Variants in LBH observed in about 807,000 individuals in gnomAD.
The protein encoded by LBH is LBH regulator of Wnt signaling pathway.
LBH carries 7 observed loss-of-function variants against 12.5 expected under a neutral mutation model. That is an observed-to-expected ratio of 0.56 (90% CI 0.32 to 1.05). LBH has a LOEUF of 1.05. LBH is among the 50% of genes least tolerant of loss of function. The probability of loss-of-function intolerance (pLI) is 0.04; values close to 1 mark genes in which losing one functional copy is unlikely to be tolerated. For missense variants in LBH, 119 were observed against 138.9 expected, an observed-to-expected ratio of 0.86 and a Z score of 0.72; for synonymous variants, 51 against 50.1, an observed-to-expected ratio of 1.02 and a Z score of -0.08.
intron 2 of LBH, chr2:30,256,669 A>G (rs948632734): frequency 1.3e-5 from 2 of 151,920 alleles, no homozygotes; most frequent in African/African-American, 4.8e-5. Flanking sequence ...GGCGCCCACC[A>G]CCATGCCCGC....
intron 1 of LBH, among the ~76,000 whole-genome samples, chr2:30,233,463 C>T (rs1487617153): frequency 6.6e-6 from 1 of 152,208 alleles, no homozygotes; most frequent in African/African-American, 2.4e-5. Context: ...GATACTGTCC[C>T]TCAAAAGACT....
Position 30,257,452 on chromosome 2 carries a change from A to T in LBH, c.149A>T (p.Asp50Val). 8 of 1,614,106 alleles carry T rather than the reference A, an allele frequency of 5.0e-6. No homozygotes were observed. Among genetic ancestry groups the T allele is most frequent in the Non-Finnish European group, 6.8e-6 (8 of 1,179,960 alleles). ...LSYQIFPDPS[D>V]FDRCCKLKDR... ...TTTCAGATCTTCCCAGACCCGTCAGATTTTGACCGCTGCTGCAAACTGAAG... is the reference window on the plus strand; with the variant it reads ...TTTCAGATCTTCCCAGACCCGTCAGTTTTTGACCGCTGCTGCAAACTGAAG... Residue 50 changes from aspartate (D) to valine (V), a missense_variant, in exon 3 of 3, where the codon GAT (aspartate) becomes GTT (valine). Coordinates refer to ENST00000395323, the MANE Select transcript of LBH (RefSeq NM_030915.4).
In LBH at chr2:30,258,208, T is replaced by A. The variant is rs1267080966; in HGVS notation, c.*587T>A. On this transcript the variant is annotated 3_prime_UTR_variant, in exon 3 of 3. Coordinates refer to ENST00000395323, the MANE Select transcript of LBH (RefSeq NM_030915.4). ...TGCTTTCATTTCAGGTGTGTTGGTC[T>A]ATATGACAGGGAGGAGAGTAAAGGA... 5 of 153,126 alleles carry A rather than the reference T, an allele frequency of 3.3e-5. No individual in the cohort carries two copies. The highest frequency in any genetic ancestry group is 4.8e-5 in the African/African-American group (2 of 41,430). The allele number at this position is 153,126 out of a possible 1,614,324, so 9.5% of individuals were successfully genotyped here. A position where few individuals can be genotyped will look rare whatever the true frequency, so the allele number is the denominator to read the frequency against.
rs1239102059 is a variant in LBH at position 30,234,401 on chromosome 2, G to C, written c.27-4G>C. On this transcript the variant is annotated splice_polypyrimidine_tract_variant and splice_region_variant and intron_variant, in intron 1 of 2. Transcript: ENST00000395323. ...GTTGACTTTTGGTCTGGGTTTCTTG[G>C]CAGCCCCGACTATCTGAGATCGGCC... The C allele has an allele frequency of 1.9e-6, 3 of 1,613,368 alleles. No individual in the cohort carries two copies. The highest frequency in any genetic ancestry group is 3.3e-5 in the Admixed American group (2 of 60,016).
intron 2 of LBH, among the ~76,000 whole-genome samples, chr2:30,240,596 C>T (rs1165619057): frequency 6.6e-6 from 1 of 152,230 alleles, no homozygotes; most frequent in Admixed American, 6.5e-5. Context: ...ATATCGTTAT[C>T]AGCACATCAA....
rs763190080 is a variant in LBH at position 30,234,406 on chromosome 2, C to A, written c.28C>A (p.Pro10Thr). 2 of 1,613,638 alleles carry A rather than the reference C, an allele frequency of 1.2e-6. No homozygotes were observed. Among genetic ancestry groups the A allele is most frequent in the African/African-American group, 2.7e-5 (2 of 74,910 alleles). ...CTTTTGGTCTGGGTTTCTTGGCAGCCCCGACTATCTGAGATCGGCCAAGAT... is the reference window on the plus strand; with the variant it reads ...CTTTTGGTCTGGGTTTCTTGGCAGCACCGACTATCTGAGATCGGCCAAGAT... Reference protein sequence around the residue: MSIYFPIHCPDYLRSAKMTE... With the variant: MSIYFPIHCTDYLRSAKMTE... The change falls in exon 2 of 3, where the codon CCC becomes ACC. Residue 10 changes from proline (P) to threonine (T), a missense_variant and splice_region_variant. By Grantham distance (38) the Pro-to-Thr change is conservative. Coordinates refer to ENST00000395323, the MANE Select transcript of LBH (RefSeq NM_030915.4).
At chr2:30,237,581 C>T (rs1677711360) in intron 2 of LBH, among the ~76,000 whole-genome samples, 5 of 152,154 alleles carry the variant, frequency 3.3e-5, no homozygotes, top group Non-Finnish European at 1.5e-5. Flanking sequence ...AGTTGAGTCT[C>T]CTGATTCTAA....
At chr2:30,232,251 G>GCCCCCCCCCCCC in intron 1 of LBH, 1 of 488,920 alleles carries the variant, frequency 2.0e-6, no homozygotes, top group Non-Finnish European at 3.7e-6. Context: ...TGGGGGGCGG[G>GCCCCCCCCCCCC]AAACGCTCTC....
chr2:30,235,095 GATC>G (rs1444971602), intron 2 of LBH, among the ~76,000 whole-genome samples: 2 of 152,198 alleles, frequency 1.3e-5, no homozygotes, highest in African/African-American at 2.4e-5. Flanking sequence ...CTTGCTTGGA[GATC>G]ATCCTGTCTG....
At chr2:30,251,530 G>T (rs529414249) in intron 2 of LBH, among the ~76,000 whole-genome samples, 1 of 151,816 alleles carries the variant, frequency 6.6e-6, no homozygotes, top group Non-Finnish European at 1.5e-5. Context: ...GGCCAGGCAT[G>T]GTGGCTCATG....
chr2:30,232,293 G>T, intron 1 of LBH: 2 of 1,464,534 alleles, frequency 1.4e-6, no homozygotes, highest in Non-Finnish European at 1.8e-6. Flanking sequence ...GCCACAAGCA[G>T]CAGGGCACGC....
At chr2:30,242,396 A>AC (rs1290444542) in intron 2 of LBH, among the ~76,000 whole-genome samples, 1 of 152,046 alleles carries the variant, frequency 6.6e-6, no homozygotes, top group Admixed American at 6.6e-5. Context: ...GGCGAGTGCC[A>AC]CCATGCCTGG....
At chr2:30,253,512 T>A (rs950573606) in intron 2 of LBH, among the ~76,000 whole-genome samples, 3 of 152,148 alleles carry the variant, frequency 2.0e-5, no homozygotes, top group Admixed American at 1.3e-4. Context: ...AACAAAAAAA[T>A]TTAAACAGTG....
intron 2 of LBH, among the ~76,000 whole-genome samples, chr2:30,240,471 G>T (rs1051500271): frequency 6.6e-6 from 1 of 152,164 alleles, no homozygotes; most frequent in Non-Finnish European, 1.5e-5. Flanking sequence ...TTCACACAGG[G>T]CGTAGACTTG....
chr2:30,235,433 T>C (rs1677672065), intron 2 of LBH, among the ~76,000 whole-genome samples: 1 of 151,982 alleles, frequency 6.6e-6, no homozygotes, highest in Non-Finnish European at 1.5e-5. Flanking sequence ...GACATGAAGG[T>C]ATGCCCACTG....
chr2:30,232,332 C>A, intron 1 of LBH: 1 of 1,261,936 alleles, frequency 7.9e-7, no homozygotes, highest in Non-Finnish European at 1.0e-6. Context: ...CTGCCCTCTC[C>A]ACCGCCCCTA....
chr2:30,257,788 GC>G lies in LBH; in HGVS notation c.*169del. 2.3e-6 allele frequency: 1 copy of G among 433,586 alleles called. No individual in the cohort carries two copies. Among genetic ancestry groups the G allele is most frequent in the Non-Finnish European group, 3.8e-6 (1 of 261,338 alleles). 26.9% of individuals were successfully genotyped at this position (433,586 alleles called of 1,614,324 possible). A position where few individuals can be genotyped will look rare whatever the true frequency, so the allele number is the denominator to read the frequency against. Reference sequence around the variant, plus strand: ...CGAGTTGGTTTTCTTTTCTTTTCTTGCCTTTTTTTTTTTTTGAAATTTGCCG... The same window carrying G: ...CGAGTTGGTTTTCTTTTCTTTTCTTGCTTTTTTTTTTTTTGAAATTTGCCG... On this transcript the variant is annotated 3_prime_UTR_variant, in exon 3 of 3. Coordinates refer to ENST00000395323, the MANE Select transcript of LBH (RefSeq NM_030915.4).
At chr2:30,251,891 C>T (rs1055776738) in intron 2 of LBH, among the ~76,000 whole-genome samples, 7 of 152,030 alleles carry the variant, frequency 4.6e-5, no homozygotes, top group Non-Finnish European at 7.4e-5. Flanking sequence ...TTTGTTTGGC[C>T]GACCAACAGC....
intron 2 of LBH, among the ~76,000 whole-genome samples, chr2:30,251,669 GAAAAAA>G (rs200828977): frequency 4.0e-4 from 44 of 111,040 alleles, no homozygotes; most frequent in Middle Eastern, 4.4e-3. Context: ...CCTATCTCAA[GAAAAAA>G]AAAAAAAAAA....
Sources: gnomAD v4.1 joint callset for allele counts (sites outside exome capture counted in the v4.1 genomes callset) on GRCh38, gnomAD v4.1.1 for gene constraint, MANE v1.5 for transcripts, NCBI Gene and HGNC (gene_info 2026-07-23, HGNC 2026-07-21) for gene names.